Variants in ETV7 observed in about 807,000 individuals in gnomAD.
ETV7 encodes ETS variant transcription factor 7.
In ETV7, 43 loss-of-function variants were observed where a neutral mutation model predicts 39.1. The ratio of observed to expected loss-of-function variants is 1.10; its 90% CI spans 0.86 to 1.42. The LOEUF (loss-of-function observed/expected upper bound fraction) is 1.42, where lower values mean the gene tolerates loss of function less well. Ranked by LOEUF, ETV7 falls within the 40% of genes most tolerant of loss-of-function variation. ETV7 has a pLI of 0.00. For missense variants in ETV7, 432 were observed against 442.3 expected (o/e 0.98, Z 0.21); for synonymous variants, 196 against 176.6 (o/e 1.11, Z -0.87).
At chr6:36,365,149 C>T (rs1772670817), downstream of ETV7, among the ~76,000 whole-genome samples, 1 of 152,160 alleles carries the variant, frequency 6.6e-6, no homozygotes, top group Admixed American at 6.5e-5. Context: ...GATATGAATC[C>T]GAGGAGTTCT....
intron 2 of ETV7, among the ~76,000 whole-genome samples, chr6:36,381,122 T>C (rs550965071): frequency 1.1e-3 from 168 of 152,176 alleles, no homozygotes; most frequent in African/African-American, 3.9e-3. Context: ...AGCAACCAAA[T>C]CAGAATGAAC....
In ETV7 at chr6:36,366,739, A is replaced by G; in HGVS notation, c.932T>C (p.Met311Thr). Reference protein sequence around the residue: ...LFRFLKTPGKMVQDKHSHLEP... With the variant: ...LFRFLKTPGKTVQDKHSHLEP... ...CAGGTGGCTGTGCTTGTCCTGGACCATCTTTCCCGGAGTCTTTAGAAATCT... is the reference window on the plus strand; with the variant it reads ...CAGGTGGCTGTGCTTGTCCTGGACCGTCTTTCCCGGAGTCTTTAGAAATCT... The change falls in exon 8 of 8, where the codon ATG (methionine) becomes ACG (threonine). Residue 311 changes from methionine to threonine, a missense_variant. Physicochemically the swap from Met to Thr is moderately conservative, Grantham distance 81 (BLOSUM62 -1). Transcript: ENST00000340181. 1 of 1,613,984 alleles carries G rather than the reference A, an allele frequency of 6.2e-7. No individual in the cohort carries two copies. The highest frequency in any genetic ancestry group is 8.5e-7 in the Non-Finnish European group (1 of 1,179,986).
intron 3 of ETV7, among the ~76,000 whole-genome samples, chr6:36,375,220 G>A (rs1486696060): frequency 6.6e-6 from 1 of 152,094 alleles, no homozygotes; most frequent in African/African-American, 2.4e-5. Context: ...GAAAACATGA[G>A]CGAATTCTTA....
intron 5 of ETV7, among the ~76,000 whole-genome samples, chr6:36,369,977 T>C (rs180954903): frequency 6.3e-4 from 96 of 152,270 alleles, no homozygotes; most frequent in Non-Finnish European, 1.5e-4. Context: ...TGCATGTTTC[T>C]GGCGTCCATG....
At position 36,385,751 on chromosome 6, in the gene ETV7, T is replaced by C; in HGVS notation, c.7-82A>G. On this transcript the variant is annotated intron_variant, in intron 1 of 7. Transcript: ENST00000340181. The stretch of plus-strand genomic sequence containing the variant: ...ATCTTTAAATGTCTTAAGAATTTTT[T>C]TGGAAGGGAAAGAGTGTTTATCTCC... 3.4e-6 allele frequency: 5 copies of C among 1,483,996 alleles called. No individual in the cohort carries two copies. In the African/African-American group the frequency reaches 4.2e-5, roughly 12 times the overall value. 91.9% of individuals were successfully genotyped at this position (1,483,996 alleles called of 1,614,324 possible). A position where few individuals can be genotyped will look rare whatever the true frequency, so the allele number is the denominator to read the frequency against.
At chr6:36,376,098 G>A (rs1773327964) in intron 2 of ETV7, 63 bp from the exon 3 acceptor site, 2 of 1,485,586 alleles carry the variant, frequency 1.3e-6, no homozygotes, top group Non-Finnish European at 1.8e-6. Flanking sequence ...AGCCCACCCT[G>A]AACACTTCAT....
At chr6:36,362,587 G>A (rs1205416245), downstream of ETV7, among the ~76,000 whole-genome samples, 1 of 152,196 alleles carries the variant, frequency 6.6e-6, no homozygotes, top group Non-Finnish European at 1.5e-5. Context: ...TACAGAGCAG[G>A]TACTCAATTG....
chr6:36,359,733 T>C (rs1176006405), intron 7 of ETV7, among the ~76,000 whole-genome samples: 1 of 152,214 alleles, frequency 6.6e-6, no homozygotes, highest in African/African-American at 2.4e-5. Flanking sequence ...CTACAGTAGG[T>C]GCTCAATGAA....
downstream of ETV7, among the ~76,000 whole-genome samples, chr6:36,362,169 G>A (rs899557617): frequency 1.3e-5 from 2 of 152,290 alleles, no homozygotes; most frequent in African/African-American, 4.8e-5. Context: ...GCGGTGGCGG[G>A]CACCTGTAGT....
At chr6:36,385,781 G>A in intron 1 of ETV7, 112 bp from the exon 2 acceptor site, 1 of 1,157,608 alleles carries the variant, frequency 8.6e-7, no homozygotes, top group Non-Finnish European at 1.2e-6. Flanking sequence ...ATCTCCACCA[G>A]AAGACTGCAT....
intron 1 of ETV7, among the ~76,000 whole-genome samples, chr6:36,386,253 G>A (rs141493803): frequency 8.4e-4 from 128 of 152,246 alleles, no homozygotes; most frequent in Middle Eastern, 6.8e-3. Flanking sequence ...ACTTGAACCC[G>A]GGAAGCGGAA....
intron 7 of ETV7, among the ~76,000 whole-genome samples, chr6:36,354,959 A>C (rs1772299887): frequency 1.3e-5 from 2 of 152,232 alleles, no homozygotes; most frequent in Non-Finnish European, 2.9e-5. Context: ...ATAGATAGAA[A>C]TACAATTGAC....
intron 5 of ETV7, 81 bp downstream of exon 5, chr6:36,371,249 T>C (rs1300067409): frequency 5.2e-6 from 7 of 1,350,586 alleles, no homozygotes; most frequent in Non-Finnish European, 7.2e-6. Context: ...CAGGTCAAAA[T>C]AGCCCTGTCC....
At chr6:36,371,713 G>C (rs1773036290) in intron 4 of ETV7, among the ~76,000 whole-genome samples, 153 bp from the exon 5 acceptor site, 1 of 152,236 alleles carries the variant, frequency 6.6e-6, no homozygotes, top group Admixed American at 6.5e-5. Context: ...GAGGCAGTGG[G>C]GGGCAGTGGG....
At chr6:36,386,265 T>C (rs1462558231) in intron 1 of ETV7, among the ~76,000 whole-genome samples, 1 of 152,128 alleles carries the variant, frequency 6.6e-6, no homozygotes, top group African/African-American at 2.4e-5. Flanking sequence ...GAAGCGGAAG[T>C]TGGAGTGAGC....
At chr6:36,385,199 G>C (rs1024394655) in intron 2 of ETV7, among the ~76,000 whole-genome samples, 3 of 152,076 alleles carry the variant, frequency 2.0e-5, no homozygotes, top group Admixed American at 6.6e-5. Context: ...TTAAGGGCCA[G>C]GTATAGTGGT....
chr6:36,376,519 T>G (rs556503037), intron 2 of ETV7, among the ~76,000 whole-genome samples: 1 of 152,192 alleles, frequency 6.6e-6, no homozygotes, highest in Non-Finnish European at 1.5e-5. Flanking sequence ...GGCTCATGCC[T>G]GTAATCTCAG....
At chr6:36,363,139 T>A (rs1772566331), downstream of ETV7, among the ~76,000 whole-genome samples, 1 of 152,216 alleles carries the variant, frequency 6.6e-6, no homozygotes, top group Non-Finnish European at 1.5e-5. Flanking sequence ...TGATAATGTG[T>A]CCAGAACTGG....
At chr6:36,380,776 G>A (rs1184814927) in intron 2 of ETV7, among the ~76,000 whole-genome samples, 2 of 152,078 alleles carry the variant, frequency 1.3e-5, no homozygotes, top group Non-Finnish European at 2.9e-5. Context: ...CATAGTAGCT[G>A]CTCAATAAAA....
Sources: allele counts gnomAD v4.1 joint callset (sites outside exome capture counted in the v4.1 genomes callset), GRCh38; gene constraint gnomAD v4.1.1; transcripts MANE v1.5; gene names NCBI Gene and HGNC (gene_info 2026-07-23, HGNC 2026-07-21).